The following TMEM108 variants were observed in gnomAD, a reference collection of about 807,000 sequenced individuals.
TMEM108 encodes transmembrane protein 108.
TMEM108 carries 12 observed loss-of-function variants against 35.1 expected under a neutral mutation model. That is an observed-to-expected ratio of 0.34 (90% CI 0.22 to 0.55). The LOEUF is 0.55. TMEM108 is among the 20% of genes least tolerant of loss of function. The probability of loss-of-function intolerance (pLI) is 0.89; values close to 1 mark genes in which losing one functional copy is unlikely to be tolerated. For missense variants in TMEM108, 680 were observed against 753.3 expected (o/e 0.90, Z 1.14); for synonymous variants, 287 against 308.6 (o/e 0.93, Z 0.73).
intron 2 of TMEM108, among the ~76,000 whole-genome samples, chr3:133,211,725 G>A (rs147630880): frequency 1.3e-5 from 2 of 152,262 alleles, no homozygotes; most frequent in Non-Finnish European, 2.9e-5. Flanking sequence ...GTGGAGAGCA[G>A]AACACCCTCC....
chr3:133,365,227 C>T (rs1252184229), intron 3 of TMEM108, among the ~76,000 whole-genome samples: 1 of 152,114 alleles, frequency 6.6e-6, no homozygotes, highest in East Asian at 1.9e-4. Context: ...GCATCCACTA[C>T]ATCAACCCGA....
At chr3:133,321,736 A>G (rs1372329988) in intron 3 of TMEM108, among the ~76,000 whole-genome samples, 1 of 152,182 alleles carries the variant, frequency 6.6e-6, no homozygotes. Context: ...CATTCTTTTC[A>G]TCATCACATG....
chr3:133,203,553 C>G (rs1013076924), intron 2 of TMEM108, among the ~76,000 whole-genome samples: 2 of 152,140 alleles, frequency 1.3e-5, no homozygotes, highest in Non-Finnish European at 2.9e-5. Flanking sequence ...TTGAGATAAT[C>G]ATGTGGTTTT....
In TMEM108 at chr3:133,386,768, A is replaced by G. The variant is rs984574637; in HGVS notation, c.1451-3412A>G. On this transcript the variant is annotated intron_variant, in intron 4 of 5. Coordinates refer to ENST00000321871, the MANE Select transcript of TMEM108 (RefSeq NM_023943.4). ...AAACGCTTCTGCATATGTCATCTCT[A>G]TACCCTCCGGTGTTCAGGACAATAC... 4 of 1,129,640 alleles carry G rather than the reference A, an allele frequency of 3.5e-6. No homozygotes were observed. The African/African-American group carries it at 4.7e-5, about 13-fold the overall frequency. 70.0% of individuals were successfully genotyped at this position (1,129,640 alleles called of 1,614,324 possible). A position where few individuals can be genotyped will look rare whatever the true frequency, so the allele number is the denominator to read the frequency against.
chr3:133,263,309 A>G (rs1946651365), intron 3 of TMEM108, among the ~76,000 whole-genome samples: 1 of 152,244 alleles, frequency 6.6e-6, no homozygotes, highest in African/African-American at 2.4e-5. Context: ...ATCTGAAGCT[A>G]AGTTATTACC....
In TMEM108 at chr3:133,328,583, CTGAT is replaced by C. The variant is rs559911789; in HGVS notation, c.41-51166_41-51163del. Among the ~76,000 whole-genome samples, 31 of 152,266 alleles carry C rather than the reference CTGAT, an allele frequency of 2.0e-4. No homozygotes were observed. The South Asian group carries it at 6.0e-3, about 30-fold the overall frequency. ...TCACTCTGTGAGAAGCAGAGGGACTCTGATTGTTTCTACTCAAGCAGGGTGAGAA... is the reference window on the plus strand; with the variant it reads ...TCACTCTGTGAGAAGCAGAGGGACTCTGTTTCTACTCAAGCAGGGTGAGAA... On this transcript the variant is annotated intron_variant, in intron 3 of 5. Transcript: ENST00000321871.
At chr3:133,113,715 G>A (rs1383447978) in intron 2 of TMEM108, among the ~76,000 whole-genome samples, 1 of 151,984 alleles carries the variant, frequency 6.6e-6, no homozygotes, top group African/African-American at 2.4e-5. Context: ...CTGAGTCACC[G>A]ATGACTGGAT....
intron 3 of TMEM108, among the ~76,000 whole-genome samples, chr3:133,372,395 T>A (rs938138538): frequency 2.0e-5 from 3 of 152,118 alleles, no homozygotes; most frequent in Non-Finnish European, 4.4e-5. Context: ...GAGCTGAAAA[T>A]TTGTCATTCT....
At chr3:133,092,717 A>C (rs1047809920) in intron 2 of TMEM108, among the ~76,000 whole-genome samples, 2 of 152,194 alleles carry the variant, frequency 1.3e-5, no homozygotes, top group Non-Finnish European at 2.9e-5. Flanking sequence ...TTAAGTGAAC[A>C]TAACTCCTTA....
At chr3:133,296,200 T>A (rs965149337) in intron 3 of TMEM108, among the ~76,000 whole-genome samples, 3 of 152,228 alleles carry the variant, frequency 2.0e-5, no homozygotes, top group African/African-American at 4.8e-5. Context: ...TAAAGAATTT[T>A]CCTATATATC....
chr3:133,298,268 C>T (rs932446885), intron 3 of TMEM108, among the ~76,000 whole-genome samples: 3 of 152,130 alleles, frequency 2.0e-5, no homozygotes, highest in Non-Finnish European at 4.4e-5. Flanking sequence ...GCCAGAAGGA[C>T]CAAGTGATTT....
intron 3 of TMEM108, among the ~76,000 whole-genome samples, chr3:133,251,368 A>T (rs974930162): frequency 6.6e-6 from 1 of 152,214 alleles, no homozygotes; most frequent in African/African-American, 2.4e-5. Flanking sequence ...TGCAGAGGTT[A>T]TAATATGTTA....
chr3:133,103,779 G>A (rs1944117157), intron 2 of TMEM108, among the ~76,000 whole-genome samples: 1 of 152,146 alleles, frequency 6.6e-6, no homozygotes, highest in Non-Finnish European at 1.5e-5. Context: ...GTAGCCCCAT[G>A]GTTATGAGCA....
intron 3 of TMEM108, among the ~76,000 whole-genome samples, chr3:133,315,171 A>G (rs1362680363): frequency 2.0e-5 from 3 of 152,222 alleles, no homozygotes; most frequent in Non-Finnish European, 2.9e-5. Flanking sequence ...TCCTTATCCT[A>G]TTATTCTACT....
chr3:133,053,585 C>T (rs1032821799), intron 2 of TMEM108, among the ~76,000 whole-genome samples: 5 of 152,108 alleles, frequency 3.3e-5, no homozygotes, highest in Non-Finnish European at 5.9e-5. Context: ...TAAAGATGCA[C>T]GAGAAAATAA....
chr3:133,358,439 G>A (rs1457851948), intron 3 of TMEM108, among the ~76,000 whole-genome samples: 1 of 152,052 alleles, frequency 6.6e-6, no homozygotes, highest in Non-Finnish European at 1.5e-5. Flanking sequence ...CAAAGTCCTG[G>A]GATTACAGGT....
At chr3:133,155,609 A>G (rs1236525167) in intron 2 of TMEM108, among the ~76,000 whole-genome samples, 2 of 152,124 alleles carry the variant, frequency 1.3e-5, no homozygotes, top group South Asian at 2.1e-4. Flanking sequence ...ATGATCAGTG[A>G]TATTGAGCAT....
At position 133,211,944 on chromosome 3, in the gene TMEM108, A is replaced by G. The variant is rs1945839455; in HGVS notation, c.-46-17322A>G. ...TATTTTATTTTATTTTATTTTTTAG[A>G]AAGGGAAATATGAAAGAGAAGAGCA... is the stretch of plus-strand genomic sequence containing the variant. On this transcript the variant is annotated intron_variant, in intron 2 of 5. Coordinates refer to ENST00000321871, the MANE Select transcript of TMEM108 (RefSeq NM_023943.4). Among the ~76,000 whole-genome samples, 3 of 151,656 alleles carry G rather than the reference A, an allele frequency of 2.0e-5. No homozygotes were observed. In the South Asian group the frequency reaches 6.2e-4, roughly 31 times the overall value.
At chr3:133,218,818 C>G (rs1043147323) in intron 2 of TMEM108, among the ~76,000 whole-genome samples, 3 of 152,040 alleles carry the variant, frequency 2.0e-5, no homozygotes, top group African/African-American at 7.2e-5. Context: ...CTATATTCAT[C>G]AGGGATGCTG....
Sources: gnomAD v4.1 joint callset for allele counts (sites outside exome capture counted in the v4.1 genomes callset) on GRCh38, gnomAD v4.1.1 for gene constraint, MANE v1.5 for transcripts, NCBI Gene and HGNC (gene_info 2026-07-23, HGNC 2026-07-21) for gene names.